Variants in CADM2 observed in about 807,000 individuals in gnomAD.
CADM2 encodes the protein cell adhesion molecule 2, also known as immunoglobulin superfamily member 4D.
Under a neutral mutation model 49.8 loss-of-function variants are expected in CADM2, and 12 were observed. The observed-to-expected ratio is 0.24, with a 90% CI of 0.15 to 0.39. The LOEUF (loss-of-function observed/expected upper bound fraction) is 0.39. Among genes scored for constraint, CADM2 ranks in the 10% least tolerant of loss-of-function variants. CADM2 has a pLI of 1.00. For synonymous variants in CADM2, 214 were observed against 175.4 expected (o/e 1.22, Z -1.74); for missense variants, 378 against 492.3 (o/e 0.77, Z 2.20).
At chr3:85,312,878 A>T (rs554228384) in intron 1 of CADM2, among the ~76,000 whole-genome samples, 1 of 152,314 alleles carries the variant, frequency 6.6e-6, no homozygotes, top group Non-Finnish European at 1.5e-5. Context: ...AGGCTAGTAC[A>T]AAATATTATG....
intron 1 of CADM2, among the ~76,000 whole-genome samples, chr3:85,340,232 A>G (rs973841667): frequency 4.0e-5 from 6 of 151,548 alleles, no homozygotes; most frequent in Admixed American, 3.3e-4. Context: ...AATTTTCATT[A>G]ACGAAATTGA....
At chr3:85,548,634 T>C (rs2061727528) in intron 1 of CADM2, among the ~76,000 whole-genome samples, 1 of 152,156 alleles carries the variant, frequency 6.6e-6, no homozygotes, top group African/African-American at 2.4e-5. Flanking sequence ...AGAAGTAACC[T>C]AGGATCTTAA....
At chr3:85,094,859 CT>C (rs886139800) in intron 1 of CADM2, among the ~76,000 whole-genome samples, 7 of 148,602 alleles carry the variant, frequency 4.7e-5, no homozygotes, top group East Asian at 2.0e-4. Flanking sequence ...TGGCTCTTCA[CT>C]TTTTTTTTTA....
chr3:85,512,339 G>A (rs2106844804), intron 1 of CADM2, among the ~76,000 whole-genome samples: 1 of 152,180 alleles, frequency 6.6e-6, no homozygotes, highest in African/African-American at 2.4e-5. Context: ...GCTGCAAAGG[G>A]CATGATTTTG....
At chr3:86,005,696 T>G (rs77363538) in intron 8 of CADM2, among the ~76,000 whole-genome samples, 2,225 of 152,316 alleles carry the variant, frequency 0.015, 50 homozygotes, top group African/African-American at 0.051. Context: ...TCTTTTAAGT[T>G]ACAAACTATT....
At chr3:85,609,375 A>G (rs1012367849) in intron 1 of CADM2, among the ~76,000 whole-genome samples, 3 of 152,088 alleles carry the variant, frequency 2.0e-5, no homozygotes, top group Admixed American at 6.6e-5. Flanking sequence ...ATATTTTGTT[A>G]TGTTCCTTAA....
chr3:85,365,184 T>TC (rs1450283386), intron 1 of CADM2, among the ~76,000 whole-genome samples: 1,604 of 104,594 alleles, frequency 0.015, 20 homozygotes, highest in African/African-American at 0.078. Flanking sequence ...TTGGGAGGGT[T>TC]TTTTTTTTTT....
chr3:85,872,903 T>A (rs1044734103), intron 3 of CADM2, among the ~76,000 whole-genome samples: 1 of 152,158 alleles, frequency 6.6e-6, no homozygotes, highest in East Asian at 1.9e-4. Context: ...TGTCATGAAT[T>A]TTTTTATACA....
chr3:85,109,949 A>G (rs1314593642), intron 1 of CADM2, among the ~76,000 whole-genome samples: 1 of 151,930 alleles, frequency 6.6e-6, no homozygotes, highest in Non-Finnish European at 1.5e-5. Context: ...CGCTTGTCAA[A>G]GAAAAAGAAA....
intron 1 of CADM2, among the ~76,000 whole-genome samples, chr3:85,196,283 G>A (rs2041341856): frequency 6.6e-6 from 1 of 151,954 alleles, no homozygotes; most frequent in African/African-American, 2.4e-5. Flanking sequence ...ACTGTACAAG[G>A]TTTTATTTTG....
At chr3:85,390,460 T>C (rs925701632) in intron 1 of CADM2, among the ~76,000 whole-genome samples, 1 of 152,084 alleles carries the variant, frequency 6.6e-6, no homozygotes, top group Non-Finnish European at 1.5e-5. Flanking sequence ...TGGCCAAAAC[T>C]TTCTCTGAAC....
intron 1 of CADM2, among the ~76,000 whole-genome samples, chr3:85,376,510 T>C (rs1044056266): frequency 2.0e-5 from 3 of 152,046 alleles, no homozygotes; most frequent in Non-Finnish European, 4.4e-5. Flanking sequence ...TTGAAACTAA[T>C]AGAAAGTATT....
chr3:86,065,099 T>G (rs1191530966), intron 8 of CADM2, among the ~76,000 whole-genome samples: 1 of 152,230 alleles, frequency 6.6e-6, no homozygotes, highest in Non-Finnish European at 1.5e-5. Context: ...TTTCCAGTGG[T>G]CAGTTCTCAG....
chr3:86,011,247 G>A (rs1458965567), intron 8 of CADM2, among the ~76,000 whole-genome samples: 6 of 151,958 alleles, frequency 3.9e-5, no homozygotes, highest in South Asian at 4.1e-4. Flanking sequence ...TGAAATACTA[G>A]CAAATAATAT....
At chr3:85,590,598 T>TGG (rs1264237344) in intron 1 of CADM2, among the ~76,000 whole-genome samples, 1 of 151,892 alleles carries the variant, frequency 6.6e-6, no homozygotes, top group Non-Finnish European at 1.5e-5. Context: ...TAAGCGAGAA[T>TGG]GAATGTTTTT....
intron 8 of CADM2, among the ~76,000 whole-genome samples, chr3:86,065,355 A>G (rs1739183670): frequency 6.6e-6 from 1 of 152,234 alleles, no homozygotes; most frequent in African/African-American, 2.4e-5. Context: ...AAAATTATAT[A>G]TGTATATTTG....
intron 1 of CADM2, among the ~76,000 whole-genome samples, chr3:85,528,969 A>G (rs2061235374): frequency 6.6e-6 from 1 of 152,224 alleles, no homozygotes; most frequent in Admixed American, 6.5e-5. Context: ...GCTTTATTAA[A>G]CAATTTTTAG....
At chr3:85,419,636 C>T (rs73845499) in intron 1 of CADM2, among the ~76,000 whole-genome samples, 3,134 of 152,248 alleles carry the variant, frequency 0.021, 103 homozygotes, top group African/African-American at 0.071. Context: ...TCTCTTCTCC[C>T]TACTCCTACA....
chr3:85,300,949 A>T (rs1240500508), intron 1 of CADM2, among the ~76,000 whole-genome samples: 1 of 152,092 alleles, frequency 6.6e-6, no homozygotes, highest in Non-Finnish European at 1.5e-5. Context: ...AATGAGAGTT[A>T]CGTTACTGGC....
Sources: gnomAD v4.1 joint callset for allele counts (sites outside exome capture counted in the v4.1 genomes callset) on GRCh38, gnomAD v4.1.1 for gene constraint, MANE v1.5 for transcripts, NCBI Gene and HGNC (gene_info 2026-07-23, HGNC 2026-07-21) for gene names.